Variants in TASP1 observed in about 807,000 individuals in gnomAD.
TASP1 encodes threonine aspartase 1.
TASP1 carries 16 observed loss-of-function variants against 56.6 expected under a neutral mutation model. The ratio of observed to expected loss-of-function variants is 0.28; its 90% CI spans 0.19 to 0.43. TASP1 has a LOEUF of 0.43. TASP1 is among the 20% of genes least tolerant of loss of function. The pLI is 1.00. For synonymous variants in TASP1, 179 were observed against 184.2 expected, an observed-to-expected ratio of 0.97 and a Z score of 0.23; for missense variants, 393 against 511.6, an observed-to-expected ratio of 0.77 and a Z score of 2.24.
chr20:13,256,109 C>G, the TASP1 span, among the ~76,000 whole-genome samples: 1 of 152,092 alleles, frequency 6.6e-6, no homozygotes, highest in South Asian at 2.1e-4. Context: ...CAAAGATCCT[C>G]TAGAGGACAG....
the TASP1 span, among the ~76,000 whole-genome samples, chr20:13,348,275 C>T: frequency 2.6e-5 from 4 of 152,088 alleles, no homozygotes; most frequent in South Asian, 8.3e-4. Context: ...TGTTGCTTTA[C>T]TAAAAAGGAA....
chr20:13,205,765 T>G, the TASP1 span, among the ~76,000 whole-genome samples: 1 of 152,192 alleles, frequency 6.6e-6, no homozygotes, highest in Non-Finnish European at 1.5e-5. Context: ...TAACACACTC[T>G]CTGCCTTGTC....
intron 9 of TASP1, among the ~76,000 whole-genome samples, chr20:13,531,485 C>A (rs1007399065): frequency 7.0e-6 from 1 of 143,808 alleles, no homozygotes; most frequent in Non-Finnish European, 1.5e-5. Flanking sequence ...CATTTCTTAT[C>A]CTTTTTTTTT....
At chr20:13,400,756 G>A (rs1390669829) in intron 13 of TASP1, among the ~76,000 whole-genome samples, 1 of 152,132 alleles carries the variant, frequency 6.6e-6, no homozygotes, top group Non-Finnish European at 1.5e-5. Context: ...ATAGCCAAAT[G>A]TCTCAATTAG....
intron 8 of TASP1, among the ~76,000 whole-genome samples, chr20:13,545,136 C>T (rs140715680): frequency 3.2e-3 from 488 of 151,826 alleles, no homozygotes; most frequent in African/African-American, 0.011. Context: ...AAATACATGA[C>T]GATTAAAGAT....
intron 7 of TASP1, among the ~76,000 whole-genome samples, chr20:13,560,727 T>C (rs951319106): frequency 2.0e-5 from 3 of 152,024 alleles, no homozygotes; most frequent in Non-Finnish European, 4.4e-5. Flanking sequence ...GGCCCTTGCA[T>C]AGATTTACAA....
chr20:13,361,650 T>G, the TASP1 span, among the ~76,000 whole-genome samples: 1 of 135,344 alleles, frequency 7.4e-6, no homozygotes, highest in Non-Finnish European at 1.5e-5. Flanking sequence ...CAACTTGGAC[T>G]GTGCCCCCCA....
At chr20:13,240,458 C>T in the TASP1 span, among the ~76,000 whole-genome samples, 1 of 152,150 alleles carries the variant, frequency 6.6e-6, no homozygotes, top group Non-Finnish European at 1.5e-5. Flanking sequence ...GCCAGTCAGG[C>T]AGACGGAATC....
the TASP1 span, among the ~76,000 whole-genome samples, chr20:13,131,946 A>T: frequency 6.6e-6 from 1 of 151,794 alleles, no homozygotes; most frequent in African/African-American, 2.4e-5. Flanking sequence ...CGCTCAGCCT[A>T]CTACAGGCAG....
At chr20:13,309,777 AT>A in the TASP1 span, among the ~76,000 whole-genome samples, 1 of 152,214 alleles carries the variant, frequency 6.6e-6, no homozygotes, top group Non-Finnish European at 1.5e-5. Flanking sequence ...ACATAAAAAA[AT>A]CAGCAATGTT....
the TASP1 span, among the ~76,000 whole-genome samples, chr20:13,219,264 TG>T: frequency 1.2e-4 from 19 of 152,202 alleles, no homozygotes; most frequent in Non-Finnish European, 2.8e-4. Context: ...TCTTTGGCTG[TG>T]GGATTCTAGT....
chr20:13,223,870 T>C, the TASP1 span, among the ~76,000 whole-genome samples: 1 of 152,194 alleles, frequency 6.6e-6, no homozygotes, highest in Non-Finnish European at 1.5e-5. Context: ...ATAAAAATGA[T>C]GTTCTGTGGA....
the TASP1 span, among the ~76,000 whole-genome samples, chr20:13,181,312 C>T: frequency 6.6e-6 from 1 of 152,082 alleles, no homozygotes. Flanking sequence ...ATCAATGAAC[C>T]CTTTACGGCA....
intron 4 of TASP1, among the ~76,000 whole-genome samples, chr20:13,592,241 A>T (rs1232264960): frequency 2.0e-5 from 3 of 151,916 alleles, no homozygotes; most frequent in African/African-American, 7.3e-5. Flanking sequence ...TATTAAAAAT[A>T]AAAAAATTAG....
the TASP1 span, among the ~76,000 whole-genome samples, chr20:13,111,783 A>G: frequency 6.6e-6 from 1 of 152,186 alleles, no homozygotes; most frequent in Non-Finnish European, 1.5e-5. Context: ...ACAAAACCCA[A>G]CTGCAAATAA....
chr20:13,280,403 C>CTA, the TASP1 span, among the ~76,000 whole-genome samples: 1 of 129,172 alleles, frequency 7.7e-6, no homozygotes, highest in Admixed American at 7.6e-5. Flanking sequence ...CCCCCCCCCC[C>CTA]AATACATTTC....
At chr20:13,595,418 G>A (rs2047691575) in intron 4 of TASP1, among the ~76,000 whole-genome samples, 1 of 152,106 alleles carries the variant, frequency 6.6e-6, no homozygotes, top group South Asian at 2.1e-4. Flanking sequence ...CCAACTAAAA[G>A]ACACAGACTG....
chr20:13,302,235 G>A, the TASP1 span, among the ~76,000 whole-genome samples: 1 of 152,176 alleles, frequency 6.6e-6, no homozygotes, highest in Non-Finnish European at 1.5e-5. Context: ...ATCAGACCTT[G>A]CTGACCTAAT....
the TASP1 span, chr20:13,279,850 A>G: frequency 6.2e-7 from 1 of 1,613,934 alleles, no homozygotes. Flanking sequence ...GTGGGACCAT[A>G]CAGCCCCAGG....
Sources: gnomAD v4.1 joint callset for allele counts (sites outside exome capture counted in the v4.1 genomes callset) on GRCh38, gnomAD v4.1.1 for gene constraint, MANE v1.5 for transcripts, NCBI Gene and HGNC (gene_info 2026-07-23, HGNC 2026-07-21) for gene names.